The following COL5A1 variants were observed in gnomAD, a reference collection of about 807,000 sequenced individuals.
COL5A1 encodes the protein collagen type V alpha 1 chain.
COL5A1 carries 16 observed loss-of-function variants against 263.7 expected under a neutral mutation model. The ratio of observed to expected loss-of-function variants is 0.06; its 90% CI spans 0.04 to 0.09. COL5A1 has a LOEUF of 0.09. COL5A1 is among the 10% of genes least tolerant of loss of function. COL5A1 has a pLI of 1.00. For missense variants in COL5A1, 2,036 were observed against 2,540.5 expected (o/e 0.80, Z 4.27); for synonymous variants, 1,012 against 1,004.5 (o/e 1.01, Z -0.14).
intron 11 of COL5A1, among the ~76,000 whole-genome samples, chr9:134,747,751 A>G (rs1167942360): frequency 4.0e-5 from 6 of 151,716 alleles, no homozygotes; most frequent in African/African-American, 9.7e-5. Flanking sequence ...AAACACATGC[A>G]CACATGCATT....
intron 18 of COL5A1, among the ~76,000 whole-genome samples, chr9:134,760,451 ACACC>A (rs1355544706): frequency 9.1e-6 from 1 of 109,540 alleles, no homozygotes; most frequent in Non-Finnish European, 1.7e-5. Context: ...ACATGCATAC[ACACC>A]CACACACCCC....
chr9:134,796,337 A>C, intron 34 of COL5A1, 37 bp from the exon 35 acceptor site: 2 of 1,608,534 alleles, frequency 1.2e-6, no homozygotes, highest in African/African-American at 2.7e-5. Context: ...AAATAATAAC[A>C]ATCATAAGCT....
chr9:134,825,675 GC>G lies in COL5A1; in HGVS notation c.4955-116del. The stretch of plus-strand genomic sequence containing the variant: ...AACCCCAGAAAGGCCCGTGTTGGCG[GC>G]ATTCCTGGGGCGTGCATTTTAACTG... On this transcript the variant is annotated intron_variant, in intron 62 of 65. Coordinates refer to ENST00000371817, the MANE Select transcript of COL5A1 (RefSeq NM_000093.5). The G allele has an allele frequency of 4.4e-6, 3 of 687,156 alleles. No individual in the cohort carries two copies. The South Asian group carries it at 4.5e-5, about 10-fold the overall frequency. The allele number at this position is 687,156 out of a possible 1,614,324, so 42.6% of individuals were successfully genotyped here. A position where few individuals can be genotyped will look rare whatever the true frequency, so the allele number is the denominator to read the frequency against.
chr9:134,733,622 G>C (rs1834986006), intron 9 of COL5A1, among the ~76,000 whole-genome samples: 1 of 152,228 alleles, frequency 6.6e-6, no homozygotes, highest in African/African-American at 2.4e-5. Context: ...TCAGCATTGT[G>C]GAAAACCTCA....
chr9:134,795,241 C>T, intron 33 of COL5A1, 21 bp from the exon 34 acceptor site: 1 of 1,613,924 alleles, frequency 6.2e-7, no homozygotes, highest in South Asian at 1.1e-5. Flanking sequence ...AGCTGACCTT[C>T]CTTCTCTCCC....
At chr9:134,782,606 G>A (rs374340912) in intron 28 of COL5A1, 61 bp from the exon 29 acceptor site, 1 of 1,511,498 alleles carries the variant, frequency 6.6e-7, no homozygotes, top group Non-Finnish European at 9.2e-7. Flanking sequence ...AGCGGGGAAG[G>A]GACCGCCAGG....
At chr9:134,761,355 A>G (rs756697493) in intron 18 of COL5A1, among the ~76,000 whole-genome samples, 5 of 152,160 alleles carry the variant, frequency 3.3e-5, no homozygotes, top group Non-Finnish European at 5.9e-5. Flanking sequence ...TCCCGTAAGC[A>G]TGCCCTGCAG....
intron 37 of COL5A1, among the ~76,000 whole-genome samples, chr9:134,801,432 G>A (rs963181234): frequency 6.6e-5 from 10 of 152,282 alleles, no homozygotes; most frequent in African/African-American, 1.2e-4. Flanking sequence ...GAATCGCGTC[G>A]GCCTAAAGAT....
rs1830199083 is a variant in COL5A1 at position 134,844,756 on chromosome 9, A to G, written c.*2453A>G. ...TTAACTGTAATGCCCAGGAAAGGATATCTTAAAATATTCTAAACTTGTGTA... is the reference window on the plus strand; with the variant it reads ...TTAACTGTAATGCCCAGGAAAGGATGTCTTAAAATATTCTAAACTTGTGTA... On this transcript the variant is annotated 3_prime_UTR_variant, in exon 66 of 66. Transcript: ENST00000371817. 6.6e-6 allele frequency: 1 copy of G among 152,264 alleles called. No individual in the cohort carries two copies. The highest frequency in any genetic ancestry group is 1.5e-5 in the Non-Finnish European group (1 of 68,038). The allele number at this position is 152,264 out of a possible 1,614,324, so 9.4% of individuals were successfully genotyped here.
At chr9:134,710,547 G>T (rs1250023451) in intron 4 of COL5A1, among the ~76,000 whole-genome samples, 1 of 139,698 alleles carries the variant, frequency 7.2e-6, no homozygotes, top group Non-Finnish European at 1.6e-5. Context: ...CCATTTGTTG[G>T]GTGCAGTGGT....
intron 39 of COL5A1, 88 bp from the exon 40 acceptor site, chr9:134,804,887 A>G: frequency 2.6e-6 from 3 of 1,142,790 alleles, no homozygotes; most frequent in South Asian, 2.5e-5. Flanking sequence ...TCCAAGAGAG[A>G]AGGCCCCAGC....
At chr9:134,753,995 T>C in intron 15 of COL5A1, 92 bp downstream of exon 15, 1 of 1,169,776 alleles carries the variant, frequency 8.5e-7, no homozygotes, top group Non-Finnish European at 1.3e-6. Flanking sequence ...AACTGCTGCA[T>C]GTTTTCAAGG....
intron 30 of COL5A1, among the ~76,000 whole-genome samples, chr9:134,785,411 G>A (rs888459781): frequency 1.3e-5 from 2 of 152,148 alleles, no homozygotes; most frequent in African/African-American, 4.8e-5. Flanking sequence ...TCACATTCCC[G>A]CCTCCACAGC....
rs777044286 is a variant in COL5A1 at position 134,765,646 on chromosome 9, C to T, written c.2035-35C>T. ...AGAGAGGAGGGCTGGGATTTCTGCC[C>T]GAGTTTAAATCCTATTTTCCCTTTC... On this transcript the variant is annotated intron_variant, in intron 20 of 65. Coordinates refer to ENST00000371817, the MANE Select transcript of COL5A1 (RefSeq NM_000093.5). This position sits in a 1 kb window ranked among gnomAD's most constrained non-coding sequence, Gnocchi z 5.1. 1.1e-5 allele frequency: 18 copies of T among 1,601,304 alleles called. No homozygotes were observed. In the East Asian group the frequency reaches 1.3e-4, roughly 12 times the overall value.
intron 4 of COL5A1, among the ~76,000 whole-genome samples, chr9:134,717,663 A>G (rs1834316806): frequency 6.6e-6 from 1 of 152,228 alleles, no homozygotes; most frequent in Admixed American, 6.5e-5. Flanking sequence ...CAGTGGCAGA[A>G]CAATCTCTCA....
In COL5A1 at chr9:134,822,717, TG is replaced by T. The variant is rs1171345687; in HGVS notation, c.4609-280del. On this transcript the variant is annotated intron_variant, in intron 59 of 65. Coordinates refer to ENST00000371817, the MANE Select transcript of COL5A1 (RefSeq NM_000093.5). ...TGAGCCAGGACATGCTCTTTTCCGCTGCGCCCCCCCCGCGGCTGTCTGAGCT... is the reference window on the plus strand; with the variant it reads ...TGAGCCAGGACATGCTCTTTTCCGCTCGCCCCCCCCGCGGCTGTCTGAGCT... Among the ~76,000 whole-genome samples, 556 of 100,724 alleles carry T rather than the reference TG, an allele frequency of 5.5e-3. 13 individuals are homozygous for T. Among genetic ancestry groups the T allele is most frequent in the African/African-American group, 0.029 (539 of 18,388 alleles). The allele number at this position is 100,724 out of a possible 152,430, so 66.1% of individuals were successfully genotyped here. A position where few individuals can be genotyped will look rare whatever the true frequency, so the allele number is the denominator to read the frequency against.
At chr9:134,643,931 C>T (rs1831384773) in intron 1 of COL5A1, among the ~76,000 whole-genome samples, 1 of 152,124 alleles carries the variant, frequency 6.6e-6, no homozygotes, top group Non-Finnish European at 1.5e-5. Flanking sequence ...GCCCATCTCC[C>T]CACCTCCACA....
At chr9:134,811,428 C>T in intron 45 of COL5A1, 36 bp downstream of exon 45, 1 of 1,613,560 alleles carries the variant, frequency 6.2e-7, no homozygotes, top group Non-Finnish European at 8.5e-7. Flanking sequence ...CGAAAAGCCC[C>T]ACGCCCCCCC....
rs1564440890 is a variant in COL5A1 at position 134,760,706 on chromosome 9, C to CA, written c.1936-1219_1936-1218insA. 3.4e-5 allele frequency among the ~76,000 whole-genome samples: 5 copies of CA among 145,066 alleles called. No homozygotes were observed. In the East Asian group the frequency reaches 1.1e-3, roughly 32 times the overall value. On this transcript the variant is annotated intron_variant, in intron 18 of 65. Transcript: ENST00000371817. ...CCACACTCATACATGCACACACACA[C>CA]CCACACACCCATACACACATGCACA...
Sources: allele counts gnomAD v4.1 joint callset (sites outside exome capture counted in the v4.1 genomes callset), GRCh38; gene constraint gnomAD v4.1.1; non-coding constraint Gnocchi (gnomAD v3.1); transcripts MANE v1.5; gene names NCBI Gene and HGNC (gene_info 2026-07-23, HGNC 2026-07-21).